The following MEIS1 variants were observed in gnomAD, a reference collection of about 807,000 sequenced individuals.
MEIS1 encodes the protein Meis homeobox 1.
Under a neutral mutation model 50.8 loss-of-function variants are expected in MEIS1, and 5 were observed. The observed-to-expected ratio is 0.10, with a 90% CI of 0.05 to 0.21. MEIS1 has a LOEUF of 0.21. Among genes scored for constraint, MEIS1 ranks in the 10% least tolerant of loss-of-function variants. The pLI is 1.00. For missense variants in MEIS1, 318 were observed against 517.3 expected (o/e 0.61, Z 3.74); for synonymous variants, 176 against 179.3 (o/e 0.98, Z 0.15).
intron 7 of MEIS1, among the ~76,000 whole-genome samples, chr2:66,469,455 G>C (rs571468689): frequency 8.5e-5 from 13 of 152,302 alleles, no homozygotes; most frequent in African/African-American, 2.4e-4. Flanking sequence ...GGAGCACCGG[G>C]CGAGGGAGGT....
intron 8 of MEIS1, among the ~76,000 whole-genome samples, chr2:66,525,717 G>T (rs182769144): frequency 1.4e-4 from 22 of 152,352 alleles, no homozygotes; most frequent in African/African-American, 5.0e-4. Flanking sequence ...CAGTACACTT[G>T]TGTGTTCGGG....
At chr2:66,537,063 A>T (rs1674538821) in intron 8 of MEIS1, among the ~76,000 whole-genome samples, 1 of 152,162 alleles carries the variant, frequency 6.6e-6, no homozygotes, top group African/African-American at 2.4e-5. Context: ...ATGTTCACAT[A>T]CTTGGCTGAG....
chr2:66,499,696 T>TA (rs35294226), intron 7 of MEIS1, among the ~76,000 whole-genome samples: 57,861 of 127,568 alleles, frequency 0.45, 12,811 homozygotes, highest in African/African-American at 0.54. Flanking sequence ...GTACATAGGT[T>TA]AAAAAAAAAA....
intron 8 of MEIS1, among the ~76,000 whole-genome samples, chr2:66,526,223 G>C (rs1323949577): frequency 1.3e-5 from 2 of 152,198 alleles, no homozygotes; most frequent in Non-Finnish European, 2.9e-5. Context: ...TTGCTTAGCA[G>C]GTAAATTCTC....
At chr2:66,550,512 TTTTGA>T (rs920721962) in intron 9 of MEIS1, among the ~76,000 whole-genome samples, 1 of 125,924 alleles carries the variant, frequency 7.9e-6, no homozygotes, top group African/African-American at 2.9e-5. Context: ...TTTTGTTTTG[TTTTGA>T]TACCGAGTCC....
intron 9 of MEIS1, among the ~76,000 whole-genome samples, chr2:66,553,226 TTGAAGTGTAACCTACA>T (rs1187311429): frequency 9.9e-5 from 15 of 152,256 alleles, no homozygotes; most frequent in Admixed American, 2.6e-4. Flanking sequence ...CCCTTGAGAA[TTGAAGTGTAACCTACA>T]TTTAAAGTAG....
chr2:66,478,033 T>G (rs1206403210), intron 7 of MEIS1, among the ~76,000 whole-genome samples: 1 of 152,240 alleles, frequency 6.6e-6, no homozygotes, highest in African/African-American at 2.4e-5. Context: ...TGGTACTTAG[T>G]GTGTCTACAT....
In MEIS1 at chr2:66,466,363, A is replaced by T. The variant is rs1022848327; in HGVS notation, c.742+2143A>T. On this transcript the variant is annotated intron_variant, in intron 7 of 12. Transcript: ENST00000272369. ...ACCCCACCTTTCTGTGCTTGATAAC[A>T]GAAGCTGTTGGGAGCCCCACCTTCA... Among the ~76,000 whole-genome samples, 3 of 152,250 alleles carry T rather than the reference A, an allele frequency of 2.0e-5. No homozygotes were observed. The East Asian group carries it at 5.8e-4, about 29-fold the overall frequency.
chr2:66,472,078 C>T (rs921995342), intron 7 of MEIS1, among the ~76,000 whole-genome samples: 5 of 152,162 alleles, frequency 3.3e-5, no homozygotes, highest in Non-Finnish European at 5.9e-5. Flanking sequence ...CTTGAGTCTG[C>T]ATTGGGTTTT....
At chr2:66,551,329 T>G (rs1674914582) in intron 9 of MEIS1, among the ~76,000 whole-genome samples, 1 of 152,052 alleles carries the variant, frequency 6.6e-6, no homozygotes, top group African/African-American at 2.4e-5. Context: ...GTACATGGGA[T>G]TTGAGGGGAG....
intron 6 of MEIS1, among the ~76,000 whole-genome samples, chr2:66,460,665 A>G (rs926022720): frequency 2.6e-5 from 4 of 152,206 alleles, no homozygotes; most frequent in East Asian, 1.9e-4. Context: ...CTGGCTGTCA[A>G]TAACAAGTTA....
chr2:66,440,493 C>A, intron 3 of MEIS1, 69 bp from the exon 4 acceptor site: 1 of 1,380,978 alleles, frequency 7.2e-7, no homozygotes, highest in South Asian at 1.2e-5. Context: ...AGGAAGGCGA[C>A]CAGATTTCAA....
chr2:66,504,509 T>C (rs1673640999), intron 7 of MEIS1, among the ~76,000 whole-genome samples: 2 of 152,156 alleles, frequency 1.3e-5, no homozygotes, highest in South Asian at 4.1e-4. Flanking sequence ...GTGCTGGGAT[T>C]ATAGTTAATA....
At chr2:66,498,952 A>G (rs1673480618) in intron 7 of MEIS1, among the ~76,000 whole-genome samples, 1 of 152,210 alleles carries the variant, frequency 6.6e-6, no homozygotes, top group African/African-American at 2.4e-5. Context: ...GCACTGCTCT[A>G]GAAAGTTACT....
intron 9 of MEIS1, among the ~76,000 whole-genome samples, chr2:66,565,059 G>C (rs932976527): frequency 6.6e-6 from 1 of 152,016 alleles, no homozygotes; most frequent in Non-Finnish European, 1.5e-5. Flanking sequence ...ATGTACTTTT[G>C]GGGGACAGAT....
At chr2:66,489,545 C>T (rs1053113791) in intron 7 of MEIS1, among the ~76,000 whole-genome samples, 1 of 152,164 alleles carries the variant, frequency 6.6e-6, no homozygotes, top group African/African-American at 2.4e-5. Context: ...ATTGGAAGCT[C>T]TCAGGATGTG....
rs1016501426 is a variant in MEIS1, at chr2:66,572,692, C to T, written c.*1484C>T. ...TTTGGATTGTATAATAACGCCAAGC[C>T]CAGTTGTAGTCGTTTGAGTGCAGTA... On this transcript the variant is annotated 3_prime_UTR_variant, in exon 13 of 13. Transcript: ENST00000272369. 1 of 151,984 alleles carries T rather than the reference C, an allele frequency of 6.6e-6. No individual in the cohort carries two copies. Among genetic ancestry groups the T allele is most frequent in the African/African-American group, 2.4e-5 (1 of 41,352 alleles). 9.4% of individuals were successfully genotyped at this position (151,984 alleles called of 1,614,324 possible). A position where few individuals can be genotyped will look rare whatever the true frequency, so the allele number is the denominator to read the frequency against.
chr2:66,545,742 A>G (rs2103925845), intron 8 of MEIS1, among the ~76,000 whole-genome samples: 1 of 152,294 alleles, frequency 6.6e-6, no homozygotes, highest in Non-Finnish European at 1.5e-5. Context: ...TGAGCTCAGT[A>G]GCCAGTCATG....
chr2:66,560,988 T>G (rs887185955), intron 9 of MEIS1, among the ~76,000 whole-genome samples: 3 of 152,218 alleles, frequency 2.0e-5, no homozygotes, highest in African/African-American at 7.2e-5. Context: ...CTTGAATATC[T>G]TAAAATCATG....
Sources: gnomAD v4.1 joint callset for allele counts (sites outside exome capture counted in the v4.1 genomes callset) on GRCh38, gnomAD v4.1.1 for gene constraint, MANE v1.5 for transcripts, NCBI Gene and HGNC (gene_info 2026-07-23, HGNC 2026-07-21) for gene names.